The following FBXL13 variants were observed in gnomAD, a reference collection of about 807,000 sequenced individuals.
FBXL13 encodes the protein F-box and leucine-rich repeat protein 13.
In FBXL13, 67 loss-of-function variants were observed where a neutral mutation model predicts 83.6. That is an observed-to-expected ratio of 0.80 (90% CI 0.66 to 0.98). The LOEUF (loss-of-function observed/expected upper bound fraction) is 0.98, where lower values mean the gene tolerates loss of function less well. FBXL13 is among the 50% of genes least tolerant of loss of function. FBXL13 has a pLI of 0.00. For synonymous variants in FBXL13, 272 were observed against 299.5 expected (o/e 0.91, Z 0.95); for missense variants, 822 against 866.5 (o/e 0.95, Z 0.64).
rs763959804 is a variant in FBXL13 at position 102,933,931 on chromosome 7, T to C, written c.725-1998A>G. 1.1e-5 allele frequency: 18 copies of C among 1,609,304 alleles called. No individual in the cohort carries two copies. The East Asian group carries it at 2.0e-4, about 18-fold the overall frequency. ...ATGTCAGGATGCGTGTGGTTACCATTGTAATCTTGCTCTGCTTTTGCAAAG... is the reference window on the plus strand; with the variant it reads ...ATGTCAGGATGCGTGTGGTTACCATCGTAATCTTGCTCTGCTTTTGCAAAG... On this transcript the variant is annotated intron_variant, in intron 8 of 19. Transcript: ENST00000313221.
intron 18 of FBXL13, among the ~76,000 whole-genome samples, chr7:102,832,331 T>G (rs1228426654): frequency 6.6e-6 from 1 of 152,236 alleles, no homozygotes; most frequent in Non-Finnish European, 1.5e-5. Context: ...ATGCCTTTGT[T>G]TGACATACCA....
Position 102,828,465 on chromosome 7 carries a change from A to C in FBXL13, c.1854+4375T>G, listed in dbSNP as rs1309001821. Among the ~76,000 whole-genome samples, 3 of 152,216 alleles carry C rather than the reference A, an allele frequency of 2.0e-5. No individual in the cohort carries two copies. The East Asian group carries it at 5.8e-4, about 29-fold the overall frequency. ...ACATGTTAGCCAGCTGCACTAAGAA[A>C]ATAAAGGTTGAAAAGGGTAGGATTG... is the stretch of plus-strand genomic sequence containing the variant. On this transcript the variant is annotated intron_variant, in intron 18 of 19. Transcript: ENST00000313221.
At chr7:103,041,775 C>T (rs1218446995) in intron 2 of FBXL13, among the ~76,000 whole-genome samples, 1 of 152,146 alleles carries the variant, frequency 6.6e-6, no homozygotes, top group Non-Finnish European at 1.5e-5. Context: ...TTCAACAGCC[C>T]TTCATGCTAA....
intron 11 of FBXL13, among the ~76,000 whole-genome samples, chr7:102,896,728 T>C (rs1043799632): frequency 6.6e-6 from 1 of 152,188 alleles, no homozygotes; most frequent in African/African-American, 2.4e-5. Flanking sequence ...CCAAATTTCC[T>C]TCTTGCAAAA....
intron 8 of FBXL13, among the ~76,000 whole-genome samples, chr7:102,937,012 C>T (rs1007296184): frequency 1.1e-4 from 16 of 152,014 alleles, no homozygotes. Flanking sequence ...GTTGTGTAAA[C>T]ACAACCTTCC....
chr7:102,851,265 G>A (rs1805171723), intron 17 of FBXL13, among the ~76,000 whole-genome samples: 1 of 152,152 alleles, frequency 6.6e-6, no homozygotes, highest in South Asian at 2.1e-4. Flanking sequence ...CACTAGTTGG[G>A]ATGGTATTTT....
chr7:103,032,442 C>T (rs1477136776), intron 2 of FBXL13, among the ~76,000 whole-genome samples: 1 of 152,136 alleles, frequency 6.6e-6, no homozygotes, highest in Non-Finnish European at 1.5e-5. Flanking sequence ...ATTATCCTGC[C>T]TTAGACACTT....
At chr7:103,009,072 A>G (rs1446791312) in intron 6 of FBXL13, among the ~76,000 whole-genome samples, 1 of 152,210 alleles carries the variant, frequency 6.6e-6, no homozygotes, top group Non-Finnish European at 1.5e-5. Context: ...ACTGATAAAC[A>G]AAGGAACATT....
intron 18 of FBXL13, among the ~76,000 whole-genome samples, chr7:102,826,381 T>G (rs1282811454): frequency 1.3e-5 from 2 of 152,026 alleles, no homozygotes; most frequent in Non-Finnish European, 2.9e-5. Context: ...GAGTCCAAGT[T>G]TTTGCCCTAG....
At chr7:102,908,284 T>A (rs1814079308) in intron 11 of FBXL13, among the ~76,000 whole-genome samples, 2 of 152,240 alleles carry the variant, frequency 1.3e-5, no homozygotes, top group South Asian at 4.1e-4. Context: ...CTTTGTTAAA[T>A]TTATCTGATA....
rs562339982 is a variant in FBXL13, at chr7:103,027,958, G to A, written c.218-400C>T. Among the ~76,000 whole-genome samples the A allele has an allele frequency of 2.8e-4, 42 of 152,054 alleles. 3 individuals are homozygous for A. The South Asian group carries it at 8.3e-3, about 30-fold the overall frequency. ...GTGATTAACCAGTTCCTAACCCTTC[G>A]TTACACTAATGTTAAAATTTTCGGA... is the stretch of plus-strand genomic sequence containing the variant. On this transcript the variant is annotated intron_variant, in intron 4 of 19. Coordinates refer to ENST00000313221, the Ensembl canonical transcript of FBXL13.
chr7:102,815,440 ACC>A (rs2129444763), intron 19 of FBXL13, among the ~76,000 whole-genome samples: 1 of 152,192 alleles, frequency 6.6e-6, no homozygotes. Flanking sequence ...AAGTCCTTTA[ACC>A]CTCTTGGCTT....
chr7:102,914,142 C>T (rs931772079), intron 10 of FBXL13, among the ~76,000 whole-genome samples: 3 of 152,178 alleles, frequency 2.0e-5, no homozygotes, highest in African/African-American at 2.4e-5. Flanking sequence ...CTCACTGCAA[C>T]CTCCTCCCCA....
intron 6 of FBXL13, among the ~76,000 whole-genome samples, chr7:103,015,167 G>T (rs1331173776): frequency 6.6e-6 from 1 of 151,950 alleles, no homozygotes; most frequent in Non-Finnish European, 1.5e-5. Flanking sequence ...AAACCCTCAA[G>T]AAACTAGGCA....
At chr7:103,027,294 C>A (rs563707280) in intron 5 of FBXL13, among the ~76,000 whole-genome samples, 155 bp downstream of exon 6, 1 of 151,730 alleles carries the variant, frequency 6.6e-6, no homozygotes, top group East Asian at 1.9e-4. Flanking sequence ...AAAACTCTGT[C>A]CCAAAAAAAT....
At chr7:102,851,675 A>G (rs1475248492) in intron 17 of FBXL13, among the ~76,000 whole-genome samples, 1 of 151,286 alleles carries the variant, frequency 6.6e-6, no homozygotes, top group Non-Finnish European at 1.5e-5. Context: ...AGAGCTTCCA[A>G]TGTGTTTCAG....
At chr7:102,987,720 T>G (rs745959448) in intron 6 of FBXL13, among the ~76,000 whole-genome samples, 1 of 152,220 alleles carries the variant, frequency 6.6e-6, no homozygotes, top group African/African-American at 2.4e-5. Context: ...TGGAGAATTT[T>G]TTTTAAAAGG....
chr7:103,073,783 C>T (rs1018203157), intron 1 of FBXL13, among the ~76,000 whole-genome samples: 1 of 152,056 alleles, frequency 6.6e-6, no homozygotes, highest in Non-Finnish European at 1.5e-5. Flanking sequence ...GGGTCTCTAC[C>T]AAATTGCCCT....
intron 2 of FBXL13, among the ~76,000 whole-genome samples, chr7:103,032,128 A>G (rs1794571627): frequency 6.6e-6 from 1 of 152,224 alleles, no homozygotes; most frequent in Non-Finnish European, 1.5e-5. Flanking sequence ...TATAAAACTG[A>G]TTTCTTTTTG....
Sources: allele counts gnomAD v4.1 joint callset (sites outside exome capture counted in the v4.1 genomes callset), GRCh38; gene constraint gnomAD v4.1.1; transcripts MANE v1.5; gene names NCBI Gene and HGNC (gene_info 2026-07-23, HGNC 2026-07-21).